The following TMEM255B variants were observed in gnomAD, a reference collection of about 807,000 sequenced individuals.
The protein encoded by TMEM255B is transmembrane protein 255B.
In TMEM255B, 35 loss-of-function variants were observed where a neutral mutation model predicts 34.5. The ratio of observed to expected loss-of-function variants is 1.01; its 90% confidence interval spans 0.77 to 1.34. The LOEUF (loss-of-function observed/expected upper bound fraction) is 1.34, where lower values mean the gene tolerates loss of function less well. Ranked by LOEUF, TMEM255B falls within the 40% of genes most tolerant of loss-of-function variation. TMEM255B has a pLI of 0.00. For missense variants in TMEM255B, 432 were observed against 433.2 expected, an observed-to-expected ratio of 1.00 and a Z score of 0.02; for synonymous variants, 206 against 201.2, an observed-to-expected ratio of 1.02 and a Z score of -0.20.
At chr13:113,804,280 A>T (rs2051121693) in intron 7 of TMEM255B, among the ~76,000 whole-genome samples, 2 of 152,032 alleles carry the variant, frequency 1.3e-5, no homozygotes, top group Non-Finnish European at 1.5e-5. Context: ...AGCTCAGGAG[A>T]CTTTGGTTTT....
chr13:113,773,600 C>T (rs546956035), intron 3 of TMEM255B, among the ~76,000 whole-genome samples: 10 of 152,362 alleles, frequency 6.6e-5, no homozygotes, highest in Admixed American at 1.3e-4. Flanking sequence ...TCTGTGATGC[C>T]TGTGCAAGCT....
intron 8 of TMEM255B, among the ~76,000 whole-genome samples, 159 bp from the exon 9 acceptor site, chr13:113,811,577 G>A (rs1404309492): frequency 7.3e-6 from 1 of 136,528 alleles, no homozygotes; most frequent in Non-Finnish European, 1.6e-5. Flanking sequence ...CCCTGGGTCT[G>A]CGGGGGGCCC....
intron 2 of TMEM255B, chr13:113,766,478 GTCCAAGTTGATC>G (rs1357918170): frequency 4.3e-6 from 3 of 698,670 alleles, no homozygotes; most frequent in East Asian, 2.8e-5. Context: ...TGGGGTTGAG[GTCCAAGTTGATC>G]TCAAAATAGG....
chr13:113,774,745 C>T (rs1448512390), intron 3 of TMEM255B, among the ~76,000 whole-genome samples: 2 of 128,386 alleles, frequency 1.6e-5, no homozygotes, highest in Non-Finnish European at 3.5e-5. Context: ...ACACCACACA[C>T]ACTACACACA....
Position 113,813,672 on chromosome 13 carries a change from C to T in TMEM255B, c.*1769C>T, listed in dbSNP as rs2051371298. On this transcript the variant is annotated 3_prime_UTR_variant, in exon 9 of 9. Coordinates refer to ENST00000375353, the MANE Select transcript of TMEM255B (RefSeq NM_182614.4). ...TGGGCAGAAGGCCCACAGCGCACAT[C>T]CACACATGAACGGTGGCTGGCTGGG... is the stretch of plus-strand genomic sequence containing the variant. 1 of 152,244 alleles carries T rather than the reference C, an allele frequency of 6.6e-6. No homozygotes were observed. The highest frequency in any genetic ancestry group is 1.5e-5 in the Non-Finnish European group (1 of 68,076). The allele number at this position is 152,244 out of a possible 1,614,324, so 9.4% of individuals were successfully genotyped here. A position where few individuals can be genotyped will look rare whatever the true frequency, so the allele number is the denominator to read the frequency against.
intron 3 of TMEM255B, among the ~76,000 whole-genome samples, chr13:113,783,651 G>A (rs577105508): frequency 3.3e-5 from 5 of 152,180 alleles, no homozygotes; most frequent in Non-Finnish European, 5.9e-5. Context: ...TTCCTGGAGA[G>A]GGAGAATGGC....
chr13:113,778,772 T>A (rs543583562), intron 3 of TMEM255B, among the ~76,000 whole-genome samples: 2 of 152,362 alleles, frequency 1.3e-5, no homozygotes, highest in Admixed American at 1.3e-4. Flanking sequence ...ACTGCCTCAC[T>A]AACCTGACAT....
chr13:113,761,373 C>T (rs2050305967), intron 1 of TMEM255B: 24 of 985,284 alleles, frequency 2.4e-5, no homozygotes, highest in Non-Finnish European at 2.9e-5. Context: ...GGCACAGGCT[C>T]ATGTGGTTCA....
At position 113,793,974 on chromosome 13, in the gene TMEM255B, C is replaced by G. The variant is rs60793273; in HGVS notation, c.253-1174C>G. 5.2e-3 allele frequency among the ~76,000 whole-genome samples: 791 copies of G among 152,352 alleles called. 7 individuals are homozygous for G. Among genetic ancestry groups the G allele is most frequent in the African/African-American group, 0.019 (770 of 41,580 alleles). ...TGTGGGGCCTGATGGGAATGCGTCC[C>G]ACCTGCGAATCCAGCGGGTAGCGTT... On this transcript the variant is annotated intron_variant, in intron 3 of 8. Coordinates refer to ENST00000375353, the MANE Select transcript of TMEM255B (RefSeq NM_182614.4).
chr13:113,801,338 A>T (rs1337576541), intron 6 of TMEM255B, among the ~76,000 whole-genome samples: 2 of 152,120 alleles, frequency 1.3e-5, no homozygotes, highest in African/African-American at 4.8e-5. Flanking sequence ...CGGCCTTCCC[A>T]TCCTGGCGTG....
At chr13:113,786,446 G>A (rs894487693) in intron 3 of TMEM255B, among the ~76,000 whole-genome samples, 2 of 150,806 alleles carry the variant, frequency 1.3e-5, no homozygotes, top group Admixed American at 6.6e-5. Context: ...CATCACTGTT[G>A]TCATCACCAT....
chr13:113,806,995 G>A lies in TMEM255B; in HGVS notation c.813+1967G>A, dbSNP rs111890415. 3.2e-4 allele frequency among the ~76,000 whole-genome samples: 48 copies of A among 152,278 alleles called. No homozygotes were observed. Among genetic ancestry groups the A allele is most frequent in the Middle Eastern group, 3.4e-3 (1 of 294 alleles). The stretch of plus-strand genomic sequence containing the variant: ...CTGTCTTCCATCCTCAACCTCAGCC[G>A]CTGCCCCTCAGGGCCCCAGAGGAGA... On this transcript the variant is annotated intron_variant, in intron 8 of 8. Transcript: ENST00000375353. This position sits in a 1 kb window ranked among gnomAD's most constrained non-coding sequence, Gnocchi z 4.2.
chr13:113,792,328 G>A (rs2050845826), intron 3 of TMEM255B, among the ~76,000 whole-genome samples: 1 of 152,168 alleles, frequency 6.6e-6, no homozygotes, highest in Non-Finnish European at 1.5e-5. Flanking sequence ...TCTTGCCTTC[G>A]GCCACACAAC....
intron 3 of TMEM255B, among the ~76,000 whole-genome samples, chr13:113,781,290 C>T (rs1227963797): frequency 6.6e-6 from 1 of 152,152 alleles, no homozygotes; most frequent in Non-Finnish European, 1.5e-5. Context: ...TAACTTTAGC[C>T]AATATGTTTA....
At chr13:113,805,400 C>G (rs2051152495) in intron 8 of TMEM255B, among the ~76,000 whole-genome samples, 3 of 152,202 alleles carry the variant, frequency 2.0e-5, no homozygotes, top group Admixed American at 2.0e-4. Flanking sequence ...TATGGATCTG[C>G]CAAAATCCAA....
At chr13:113,764,776 A>G (rs904239596) in intron 1 of TMEM255B, among the ~76,000 whole-genome samples, 4 of 152,202 alleles carry the variant, frequency 2.6e-5, no homozygotes, top group South Asian at 2.1e-4. Flanking sequence ...CAGTGTGTCT[A>G]TGCAGCAACA....
At chr13:113,804,523 G>T (rs1019889999) in intron 7 of TMEM255B, among the ~76,000 whole-genome samples, 2 of 152,190 alleles carry the variant, frequency 1.3e-5, no homozygotes, top group African/African-American at 4.8e-5. Flanking sequence ...AGGTGGCGGG[G>T]CCCTGGGACC....
At chr13:113,761,728 C>T (rs898363526) in intron 1 of TMEM255B, among the ~76,000 whole-genome samples, 2 of 152,302 alleles carry the variant, frequency 1.3e-5, no homozygotes, top group East Asian at 1.9e-4. Context: ...TCTCACTGGA[C>T]GCTTATCACA....
At chr13:113,809,470 G>A (rs187513567) in intron 8 of TMEM255B, among the ~76,000 whole-genome samples, 4 of 103,342 alleles carry the variant, frequency 3.9e-5, no homozygotes, top group Non-Finnish European at 7.7e-5. Flanking sequence ...TGTGGTTCCT[G>A]GGGGTTTAAC....
Sources: allele counts gnomAD v4.1 joint callset (sites outside exome capture counted in the v4.1 genomes callset), GRCh38; gene constraint gnomAD v4.1.1; non-coding constraint Gnocchi (gnomAD v3.1); transcripts MANE v1.5; gene names NCBI Gene and HGNC (gene_info 2026-07-23, HGNC 2026-07-21).